Variants in KCNN1 observed in about 807,000 individuals in gnomAD.
KCNN1 encodes the protein potassium calcium-activated channel subfamily N member 1.
In KCNN1, 20 loss-of-function variants were observed where a neutral mutation model predicts 44.7. The observed-to-expected ratio is 0.45, with a 90% CI of 0.32 to 0.65. The LOEUF is 0.65. Ranked by LOEUF, KCNN1 falls within the 30% of genes least tolerant of loss-of-function variation. KCNN1 has a pLI of 0.05. For synonymous variants in KCNN1, 324 were observed against 341.7 expected (o/e 0.95, Z 0.57); for missense variants, 632 against 785.3 (o/e 0.80, Z 2.33).
Position 17,996,584 on chromosome 19 carries a change from C to T in KCNN1, c.1378-1568C>T, listed in dbSNP as rs530419689. On this transcript the variant is annotated intron_variant, in intron 9 of 9. Coordinates refer to ENST00000684775, the MANE Select transcript of KCNN1 (RefSeq NM_001386974.1). ...TCATGCCTCTGCACTCCAGCCTAGA[C>T]AACAAGAGCGAGACTTCGTCTCAAA... 1.3e-4 allele frequency among the ~76,000 whole-genome samples: 20 copies of T among 152,254 alleles called. 1 individual carries two copies. The South Asian group carries it at 4.1e-3, about 32-fold the overall frequency.
intron 1 of KCNN1, among the ~76,000 whole-genome samples, chr19:17,969,004 G>A (rs1236956182): frequency 6.6e-6 from 1 of 152,110 alleles, no homozygotes; most frequent in Admixed American, 6.5e-5. Context: ...TCCTCACTTG[G>A]CAAACCCAGG....
At chr19:17,970,260 C>T (rs116475706) in intron 1 of KCNN1, among the ~76,000 whole-genome samples, 1,300 of 127,496 alleles carry the variant, frequency 0.01, 22 homozygotes, top group African/African-American at 0.037. Context: ...TTCTGAGACT[C>T]ATGAGGTCAC....
intron 4 of KCNN1, 83 bp downstream of exon 4, chr19:17,982,210 C>T: frequency 8.5e-7 from 1 of 1,176,840 alleles, no homozygotes; most frequent in Non-Finnish European, 1.2e-6. Flanking sequence ...TTTCACCGAC[C>T]CTGGGCCCCT....
At position 17,973,666 on chromosome 19, in the gene KCNN1, T is replaced by C; in HGVS notation, c.-81-142T>C. 7.5e-6 allele frequency: 7 copies of C among 928,492 alleles called. No individual in the cohort carries two copies. In the South Asian group the frequency reaches 1.3e-4, roughly 18 times the overall value. 57.5% of individuals were successfully genotyped at this position (928,492 alleles called of 1,614,324 possible). A position where few individuals can be genotyped will look rare whatever the true frequency, so the allele number is the denominator to read the frequency against. On this transcript the variant is annotated intron_variant, in intron 1 of 9. Coordinates refer to ENST00000684775, the MANE Select transcript of KCNN1 (RefSeq NM_001386974.1). ...GGGGAGGGATTCAGGCTGACTCAGA[T>C]GTTTCTGGGATGGTAAACCCACGTG...
At chr19:17,968,476 G>A (rs1303798528) in intron 1 of KCNN1, among the ~76,000 whole-genome samples, 1 of 152,034 alleles carries the variant, frequency 6.6e-6, no homozygotes, top group African/African-American at 2.4e-5. Context: ...CCAAGGAGTG[G>A]GCAGTAACTT....
rs575380850 is a variant in KCNN1 at position 17,999,370 on chromosome 19, C to T, written c.*964C>T. ...AGGAGTTCAAGACCAGCCTGGGCAA[C>T]ATGGTGAAACCCTGTCTCTACTAAA... On this transcript the variant is annotated 3_prime_UTR_variant, in exon 10 of 10. Coordinates refer to ENST00000684775, the MANE Select transcript of KCNN1 (RefSeq NM_001386974.1). 3 of 152,742 alleles carry T rather than the reference C, an allele frequency of 2.0e-5. No homozygotes were observed. The East Asian group carries it at 5.8e-4, about 29-fold the overall frequency. 9.5% of individuals were successfully genotyped at this position (152,742 alleles called of 1,614,324 possible). A position where few individuals can be genotyped will look rare whatever the true frequency, so the allele number is the denominator to read the frequency against.
At chr19:17,957,168 G>A (rs2031563312) in intron 2 of KCNN1, among the ~76,000 whole-genome samples, 1 of 131,200 alleles carries the variant, frequency 7.6e-6, no homozygotes, top group South Asian at 2.7e-4. Flanking sequence ...AAAAAGGAGA[G>A]GAGAGGGGAG....
At chr19:17,957,582 G>T (rs1446994058) in intron 2 of KCNN1, among the ~76,000 whole-genome samples, 1 of 152,096 alleles carries the variant, frequency 6.6e-6, no homozygotes, top group Non-Finnish European at 1.5e-5. Flanking sequence ...ATGTGCAAAG[G>T]TCCTGAGGTG....
At chr19:17,992,919 G>A (rs1012811442) in intron 7 of KCNN1, 135 bp from the exon 8 acceptor site, 17 of 1,101,186 alleles carry the variant, frequency 1.5e-5, no homozygotes, top group Non-Finnish European at 2.1e-5. Flanking sequence ...GCAGCCCCTC[G>A]GCCATCTGGG....
Position 17,967,309 on chromosome 19 carries a change from G to T in KCNN1, c.-90G>T. On this transcript the variant is annotated 5_prime_UTR_variant, in exon 1 of 10. Transcript: ENST00000684775. ...AGCCTTGTCCGCCCGCTCGGGCCGAGCCCCGCAGGTACAGGGTGGGATGGG... is the reference window on the plus strand; with the variant it reads ...AGCCTTGTCCGCCCGCTCGGGCCGATCCCCGCAGGTACAGGGTGGGATGGG... 7 of 985,420 alleles carry T rather than the reference G, an allele frequency of 7.1e-6. No homozygotes were observed. Among genetic ancestry groups the T allele is most frequent in the Non-Finnish European group, 8.4e-6 (7 of 829,848 alleles). 61.0% of individuals were successfully genotyped at this position (985,420 alleles called of 1,614,324 possible). A position where few individuals can be genotyped will look rare whatever the true frequency, so the allele number is the denominator to read the frequency against.
intron 6 of KCNN1, among the ~76,000 whole-genome samples, 166 bp downstream of exon 6, chr19:17,988,691 A>G (rs1466999513): frequency 6.6e-6 from 1 of 152,134 alleles, no homozygotes; most frequent in African/African-American, 2.4e-5. Context: ...CAGGTGGATC[A>G]CCTAAGGCCA....
chr19:17,961,199 A>ACC (rs926941175), intron 2 of KCNN1, among the ~76,000 whole-genome samples: 1 of 149,202 alleles, frequency 6.7e-6, no homozygotes, highest in African/African-American at 2.5e-5. Context: ...AAAAAAAAAA[A>ACC]AAAAAAACCC....
rs1599386303 is a variant in KCNN1, at chr19:17,998,172, C to T, written c.1398C>T (p.Asp466=). ...CGCAGACCCAGACCGTCATGTACGA[C>T]CTTGTATCGGAGCTGCACGCTCAGC... ...DLAKTQTVMY[D]LVSELHAQHE... Residue 466 remains aspartate (D), a synonymous_variant, in exon 10 of 10, where the codon GAC becomes GAT. Transcript: ENST00000684775. This position sits in a 1 kb window ranked among gnomAD's most constrained non-coding sequence, Gnocchi z 5.4. 1.9e-6 allele frequency: 3 copies of T among 1,601,290 alleles called. No homozygotes were observed. The highest frequency in any genetic ancestry group is 4.5e-5 in the East Asian group (2 of 44,418).
At chr19:17,970,541 T>C (rs1382063879) in intron 1 of KCNN1, among the ~76,000 whole-genome samples, 1 of 151,726 alleles carries the variant, frequency 6.6e-6, no homozygotes, top group Non-Finnish European at 1.5e-5. Flanking sequence ...GGTCTTGAAC[T>C]CTTGACTTCA....
chr19:17,972,947 G>T (rs1261437816), intron 1 of KCNN1, among the ~76,000 whole-genome samples: 2 of 152,196 alleles, frequency 1.3e-5, no homozygotes, highest in Non-Finnish European at 2.9e-5. Context: ...TGGTAGGGGG[G>T]CATTCCAGGC....
chr19:17,973,684 C>A, intron 1 of KCNN1, 124 bp from the exon 2 acceptor site: 1 of 1,154,106 alleles, frequency 8.7e-7, no homozygotes, highest in Non-Finnish European at 1.2e-6. Context: ...GGATGGTAAA[C>A]CCACGTGTCA....
intron 2 of KCNN1, among the ~76,000 whole-genome samples, chr19:17,960,835 A>G (rs970057846): frequency 1.3e-5 from 2 of 151,790 alleles, no homozygotes; most frequent in Non-Finnish European, 1.5e-5. Flanking sequence ...CTGTTTTCAC[A>G]TGACCTTCTC....
At chr19:17,981,636 G>C (rs999925083) in intron 3 of KCNN1, 73 bp from the exon 4 acceptor site, 19 of 1,370,922 alleles carry the variant, frequency 1.4e-5, no homozygotes, top group Non-Finnish European at 1.8e-5. Context: ...ACTCTCTGGG[G>C]GCGCGGTGGG....
At chr19:17,952,761 C>T (rs1320623343) in intron 1 of KCNN1, among the ~76,000 whole-genome samples, 1 of 152,124 alleles carries the variant, frequency 6.6e-6, no homozygotes, top group Non-Finnish European at 1.5e-5. Context: ...CCAGGCTGCG[C>T]AGTAGGAGGG....
Sources: gnomAD v4.1 joint callset for allele counts (sites outside exome capture counted in the v4.1 genomes callset) on GRCh38, gnomAD v4.1.1 for gene constraint, Gnocchi (gnomAD v3.1) non-coding constraint, MANE v1.5 for transcripts, NCBI Gene and HGNC (gene_info 2026-07-23, HGNC 2026-07-21) for gene names.